The following HEATR5A variants were observed in gnomAD, a reference collection of about 807,000 sequenced individuals.
HEATR5A encodes the protein HEAT repeat-containing protein 5A.
Under a neutral mutation model 218.8 loss-of-function variants are expected in HEATR5A, and 178 were observed. The ratio of observed to expected loss-of-function variants is 0.81; its 90% confidence interval spans 0.72 to 0.92. The LOEUF is 0.92. Among genes scored for constraint, HEATR5A ranks in the 40% least tolerant of loss-of-function variants. The probability of loss-of-function intolerance (pLI) is 0.00; values close to 1 mark genes in which losing one functional copy is unlikely to be tolerated. For missense variants in HEATR5A, 2,420 were observed against 2,418.9 expected (o/e 1.00, Z -0.01); for synonymous variants, 864 against 871.6 (o/e 0.99, Z 0.15).
intron 9 of HEATR5A, among the ~76,000 whole-genome samples, chr14:31,384,358 C>T (rs556842956): frequency 4.0e-5 from 6 of 151,388 alleles, no homozygotes; most frequent in East Asian, 3.9e-4. Context: ...GTGGGAGGAT[C>T]GCTTGAGCCA....
chr14:31,399,400 G>C (rs1346232893), intron 3 of HEATR5A, among the ~76,000 whole-genome samples: 5 of 152,056 alleles, frequency 3.3e-5, no homozygotes, highest in African/African-American at 7.2e-5. Context: ...CTACATATTA[G>C]ATAACAAAAA....
intron 22 of HEATR5A, among the ~76,000 whole-genome samples, chr14:31,330,608 G>A (rs1181524267): frequency 6.6e-6 from 1 of 151,974 alleles, no homozygotes; most frequent in African/African-American, 2.4e-5. Flanking sequence ...CTAACAAGTA[G>A]TGAAACCCTG....
At chr14:31,382,262 T>C (rs2030022621) in intron 10 of HEATR5A, among the ~76,000 whole-genome samples, 1 of 152,214 alleles carries the variant, frequency 6.6e-6, no homozygotes, top group Non-Finnish European at 1.5e-5. Context: ...TAAATTTAAA[T>C]AATCTCATCT....
intron 24 of HEATR5A, among the ~76,000 whole-genome samples, chr14:31,322,351 T>G (rs1359150009): frequency 1.3e-5 from 2 of 152,218 alleles, no homozygotes; most frequent in Admixed American, 1.3e-4. Context: ...ATCTACAGTA[T>G]GTAAATTTTG....
intron 14 of HEATR5A, among the ~76,000 whole-genome samples, chr14:31,363,682 T>TA (rs869253042): frequency 6.6e-6 from 1 of 151,920 alleles, no homozygotes; most frequent in Non-Finnish European, 1.5e-5. Flanking sequence ...GGAGGTTTTT[T>TA]AAAAAAAAGT....
At chr14:31,321,076 C>T (rs1048065305) in intron 25 of HEATR5A, among the ~76,000 whole-genome samples, 3 of 152,098 alleles carry the variant, frequency 2.0e-5, no homozygotes, top group African/African-American at 7.2e-5. Flanking sequence ...TCTTCCCTCC[C>T]TCCCTTGCTC....
intron 1 of HEATR5A, among the ~76,000 whole-genome samples, chr14:31,415,766 A>C (rs916459246): frequency 2.6e-5 from 4 of 152,206 alleles, no homozygotes; most frequent in Admixed American, 6.5e-5. Context: ...AGACACACAA[A>C]TATGCATATA....
At position 31,355,540 on chromosome 14, in the gene HEATR5A, T is replaced by C. The variant is rs544928265; in HGVS notation, c.2411+3097A>G. 6.6e-5 allele frequency among the ~76,000 whole-genome samples: 10 copies of C among 151,806 alleles called. No homozygotes were observed. In the East Asian group the frequency reaches 1.2e-3, roughly 18 times the overall value. ...CTGAGGTCAGGAGATTGAGACCAGC[T>C]TGGCCAACATTATGAAACCCCATCT... On this transcript the variant is annotated intron_variant, in intron 16 of 35. Transcript: ENST00000543095.
At chr14:31,320,614 T>C in intron 25 of HEATR5A, 1 of 724,058 alleles carries the variant, frequency 1.4e-6, no homozygotes. Context: ...GAGAAATGAG[T>C]AATACCCCGG....
chr14:31,389,114 A>C lies in HEATR5A; in HGVS notation c.773-109T>G, dbSNP rs147671674. On this transcript the variant is annotated intron_variant, in intron 6 of 35. Coordinates refer to ENST00000543095, the MANE Select transcript of HEATR5A (RefSeq NM_015473.4). ...AGAAACAAAAATAAACTAAAAATTC[A>C]AACAAAATGCAAAATTTACAGAACA... 2.4e-3 allele frequency: 2,445 copies of C among 1,033,496 alleles called. 34 individuals carry two copies. The African/African-American group carries it at 0.035, about 15-fold the overall frequency. The allele number at this position is 1,033,496 out of a possible 1,614,324, so 64.0% of individuals were successfully genotyped here.
Position 31,323,822 on chromosome 14 carries a change from C to A in HEATR5A, c.3548-18G>T. The A allele has an allele frequency of 6.7e-7, 1 of 1,497,910 alleles. No individual in the cohort carries two copies. The highest frequency in any genetic ancestry group is 9.2e-7 in the Non-Finnish European group (1 of 1,086,508). 92.8% of individuals were successfully genotyped at this position (1,497,910 alleles called of 1,614,324 possible). A position where few individuals can be genotyped will look rare whatever the true frequency, so the allele number is the denominator to read the frequency against. Reference sequence around the variant, plus strand: ...TGTAAAATCTTTTATTAAAGGAGAACATATGTAATTATAATCAACTGAAAG... The same window carrying A: ...TGTAAAATCTTTTATTAAAGGAGAAAATATGTAATTATAATCAACTGAAAG... On this transcript the variant is annotated intron_variant, in intron 23 of 35. Transcript: ENST00000543095.
intron 33 of HEATR5A, among the ~76,000 whole-genome samples, chr14:31,299,958 C>T (rs986234945): frequency 6.6e-6 from 1 of 151,976 alleles, no homozygotes; most frequent in African/African-American, 2.4e-5. Flanking sequence ...ATCACTTGAA[C>T]CTGGGAGGCA....
At chr14:31,332,203 A>C (rs1337868484) in intron 22 of HEATR5A, among the ~76,000 whole-genome samples, 1 of 152,246 alleles carries the variant, frequency 6.6e-6, no homozygotes, top group East Asian at 1.9e-4. Flanking sequence ...ATCTGTGATC[A>C]GTGATCTTTG....
intron 25 of HEATR5A, among the ~76,000 whole-genome samples, chr14:31,318,528 C>T (rs1233967888): frequency 2.0e-5 from 3 of 152,128 alleles, no homozygotes; most frequent in Admixed American, 6.6e-5. Context: ...GCCCTGTCGC[C>T]CAGGCAGGCT....
chr14:31,407,241 T>A (rs192320060), intron 1 of HEATR5A, among the ~76,000 whole-genome samples: 73 of 152,250 alleles, frequency 4.8e-4, no homozygotes, highest in Non-Finnish European at 9.3e-4. Context: ...CAGCAAGCCG[T>A]GATCAAAAAA....
chr14:31,376,598 G>A (rs772217734), intron 11 of HEATR5A, among the ~76,000 whole-genome samples: 4 of 152,134 alleles, frequency 2.6e-5, no homozygotes, highest in Admixed American at 6.5e-5. Context: ...AAGATATGGA[G>A]GAATCTGGAG....
At position 31,321,558 on chromosome 14, in the gene HEATR5A, C is replaced by A; in HGVS notation, c.3910G>T (p.Ala1304Ser). 1.9e-6 allele frequency: 3 copies of A among 1,606,160 alleles called. No homozygotes were observed. The highest frequency in any genetic ancestry group is 2.6e-6 in the Non-Finnish European group (3 of 1,176,262). Residue 1304 changes from alanine to serine, a missense_variant, in exon 25 of 36, where the codon GCA becomes TCA. By Grantham distance (99) the Ala-to-Ser change is moderately conservative (BLOSUM62 1). Transcript: ENST00000543095. ...EMLLVVIRRF[A>S]TVPEPEFPGH... The stretch of plus-strand genomic sequence containing the variant: ...GGAAACTCTGGTTCTGGAACAGTTG[C>A]AAATCGCCGAATAACAACTAACAGC...
chr14:31,307,980 T>C lies in HEATR5A; in HGVS notation c.4731A>G (p.Ala1577=), dbSNP rs764953787. ...AACAAGCAGTTATGCTTTCCATGGT[T>C]GCATCTGAACGTAAGGAACATAGAA... ...VEFLCSLRSD[A]TMESITACLH... Residue 1577 remains alanine, a synonymous_variant, in exon 30 of 36, where the codon GCA becomes GCG. Coordinates refer to ENST00000543095, the MANE Select transcript of HEATR5A (RefSeq NM_015473.4). The C allele has an allele frequency of 6.2e-7, 1 of 1,613,694 alleles. No individual in the cohort carries two copies. The highest frequency in any genetic ancestry group is 1.3e-5 in the African/African-American group (1 of 74,928).
At position 31,318,958 on chromosome 14, in the gene HEATR5A, T is replaced by C. The variant is rs532837258; in HGVS notation, c.3970-666A>G. Among the ~76,000 whole-genome samples the C allele has an allele frequency of 2.6e-5, 4 of 152,270 alleles. No homozygotes were observed. The East Asian group carries it at 7.7e-4, about 29-fold the overall frequency. On this transcript the variant is annotated intron_variant, in intron 25 of 35. Transcript: ENST00000543095. The stretch of plus-strand genomic sequence containing the variant: ...CTAAGAGAGCCATCTTGATATCACT[T>C]GGAGAGAATAAACCTGAGAATAAGT...
Sources: gnomAD v4.1 joint callset for allele counts (sites outside exome capture counted in the v4.1 genomes callset) on GRCh38, gnomAD v4.1.1 for gene constraint, MANE v1.5 for transcripts, NCBI Gene and HGNC (gene_info 2026-07-23, HGNC 2026-07-21) for gene names.